Variants in PTPRG observed in about 807,000 individuals in gnomAD.
PTPRG encodes protein tyrosine phosphatase receptor type G.
A neutral mutation model predicts 165.3 loss-of-function variants in PTPRG; 102 were observed. The ratio of observed to expected loss-of-function variants is 0.62; its 90% CI spans 0.53 to 0.73. The LOEUF is 0.73. PTPRG is among the 30% of genes least tolerant of loss of function. The probability of loss-of-function intolerance (pLI) is 0.00; values close to 1 mark genes in which losing one functional copy is unlikely to be tolerated. For missense variants in PTPRG, 1,866 were observed against 1,861.4 expected, an observed-to-expected ratio of 1.00 and a Z score of -0.05; for synonymous variants, 675 against 669.5, an observed-to-expected ratio of 1.01 and a Z score of -0.13.
chr3:62,239,640 G>C (rs191411736), intron 14 of PTPRG, among the ~76,000 whole-genome samples: 213 of 152,160 alleles, frequency 1.4e-3, no homozygotes, highest in African/African-American at 4.9e-3. Context: ...GATTACAGGC[G>C]TGAGTCACTG....
chr3:61,755,748 G>T (rs766063390), intron 2 of PTPRG, among the ~76,000 whole-genome samples: 1 of 152,186 alleles, frequency 6.6e-6, no homozygotes, highest in Admixed American at 6.5e-5. Flanking sequence ...GCATGTGGTC[G>T]GGTGGAGAAA....
In PTPRG at chr3:62,273,291, A is replaced by T. The variant is rs546669214; in HGVS notation, c.3318+210A>T. On this transcript the variant is annotated intron_variant, in intron 22 of 29. Transcript: ENST00000474889. This position sits in a 1 kb window ranked among gnomAD's most constrained non-coding sequence, Gnocchi z 4.1. Reference sequence around the variant, plus strand: ...TTAACATTTGGATTCCTAAATAACTACACAAGTACTTACGAAAGAGATACA... The same window carrying T: ...TTAACATTTGGATTCCTAAATAACTTCACAAGTACTTACGAAAGAGATACA... Among the ~76,000 whole-genome samples, 2 of 152,210 alleles carry T rather than the reference A, an allele frequency of 1.3e-5. No homozygotes were observed. The highest frequency in any genetic ancestry group is 4.1e-4 in the South Asian group (2 of 4,832).
intron 2 of PTPRG, among the ~76,000 whole-genome samples, chr3:61,853,545 C>G (rs2037023991): frequency 6.6e-6 from 1 of 152,180 alleles, no homozygotes; most frequent in Admixed American, 6.5e-5. Flanking sequence ...TGTTAAGCCT[C>G]AGATAACTGC....
intron 5 of PTPRG, among the ~76,000 whole-genome samples, chr3:62,113,929 T>TA: frequency 6.6e-6 from 1 of 152,364 alleles, no homozygotes; most frequent in Middle Eastern, 3.4e-3. Context: ...CATCCTCTGA[T>TA]AAAAAATACT....
intron 5 of PTPRG, among the ~76,000 whole-genome samples, chr3:62,088,977 A>G (rs1353505391): frequency 6.6e-6 from 1 of 152,236 alleles, no homozygotes; most frequent in Non-Finnish European, 1.5e-5. Flanking sequence ...AACTGTATGC[A>G]TACAGATGCT....
chr3:61,943,214 T>C (rs900017809), intron 2 of PTPRG, among the ~76,000 whole-genome samples: 1 of 151,940 alleles, frequency 6.6e-6, no homozygotes, highest in African/African-American at 2.4e-5. Context: ...AGTTCTGGAG[T>C]TTTTGGTCTA....
chr3:62,269,151 A>G lies in PTPRG; in HGVS notation c.2991A>G (p.Arg997=). ...ACACTGTTCGTCGTTTTTCAATCAG[A>G]AATACAAAAGTGAAAAAGGTATGGA... The part of the protein sequence containing the change: ...ACYTVRRFSI[R]NTKVKKGQKG... The change falls in exon 20 of 30, where the codon AGA becomes AGG. Residue 997 remains arginine, a synonymous_variant. Coordinates refer to ENST00000474889, the MANE Select transcript of PTPRG (RefSeq NM_002841.4). 3 of 1,584,518 alleles carry G rather than the reference A, an allele frequency of 1.9e-6. No individual in the cohort carries two copies. Among genetic ancestry groups the G allele is most frequent in the Non-Finnish European group, 2.6e-6 (3 of 1,158,966 alleles).
At chr3:62,087,947 C>A (rs1434637683) in intron 5 of PTPRG, among the ~76,000 whole-genome samples, 1 of 152,122 alleles carries the variant, frequency 6.6e-6, no homozygotes, top group African/African-American at 2.4e-5. Context: ...TTGATGACAT[C>A]TTTTTTCTTT....
rs775949428 is a variant in PTPRG, at chr3:61,562,371, C to A, written c.84C>A (p.Pro28=). 6.2e-7 allele frequency: 1 copy of A among 1,613,262 alleles called. No homozygotes were observed. The highest frequency in any genetic ancestry group is 8.5e-7 in the Non-Finnish European group (1 of 1,179,502). The change falls in exon 1 of 30, where the codon CCC becomes CCA. Residue 28 remains proline, a splice_region_variant and synonymous_variant. Coordinates refer to ENST00000474889, the MANE Select transcript of PTPRG (RefSeq NM_002841.4). ...TGCTCCATTATGTCGTGTGCTTCCC[C>A]GGTGAGTGCCGGCCGCCGAGGGGAT... The part of the protein sequence containing the change: ...SSVLHYVVCF[P]ALTEGYVGAL...
intron 1 of PTPRG, among the ~76,000 whole-genome samples, chr3:61,580,605 G>C (rs543485177): frequency 9.2e-5 from 14 of 152,236 alleles, no homozygotes; most frequent in African/African-American, 3.4e-4. Context: ...AAAGTGCTGG[G>C]ATTATAGGCG....
At chr3:61,934,199 A>T (rs1241212845) in intron 2 of PTPRG, among the ~76,000 whole-genome samples, 1 of 152,232 alleles carries the variant, frequency 6.6e-6, no homozygotes, top group Non-Finnish European at 1.5e-5. Flanking sequence ...ATATGCATAT[A>T]TAGAGATGTG....
intron 1 of PTPRG, among the ~76,000 whole-genome samples, chr3:61,738,351 T>A (rs1319542620): frequency 5.8e-5 from 8 of 137,368 alleles, no homozygotes; most frequent in Non-Finnish European, 1.1e-4. Flanking sequence ...TATATATATA[T>A]AAACCTATTT....
At chr3:61,701,547 TGAAAA>T (rs2030958879) in intron 1 of PTPRG, among the ~76,000 whole-genome samples, 1 of 152,130 alleles carries the variant, frequency 6.6e-6, no homozygotes, top group Non-Finnish European at 1.5e-5. Context: ...AGTATAATAA[TGAAAA>T]GAAGTGAGTG....
rs898269575 is a variant in PTPRG at position 61,743,080 on chromosome 3, A to G, written c.86-5798A>G. 1.9e-6 allele frequency: 3 copies of G among 1,588,774 alleles called. No homozygotes were observed. The African/African-American group carries it at 4.0e-5, about 21-fold the overall frequency. ...CAGGACTTCCCGCACCGCCTCGTAC[A>G]GGGTGTTGCGAGAGACTGCTGCTCA... On this transcript the variant is annotated intron_variant, in intron 1 of 29. Coordinates refer to ENST00000474889, the MANE Select transcript of PTPRG (RefSeq NM_002841.4).
At position 61,823,489 on chromosome 3, in the gene PTPRG, A is replaced by C. The variant is rs112564422; in HGVS notation, c.190+74507A>C. ...GGCGTGAGCCACCAGGCCTGGCCGC[A>C]CAGGGGTTATTAATTAGTGGAATCA... On this transcript the variant is annotated intron_variant, in intron 2 of 29. Coordinates refer to ENST00000474889, the MANE Select transcript of PTPRG (RefSeq NM_002841.4). 7.3e-3 allele frequency among the ~76,000 whole-genome samples: 1,109 copies of C among 152,004 alleles called. 24 individuals carry two copies. The highest frequency in any genetic ancestry group is 0.025 in the African/African-American group (1,051 of 41,488).
intron 2 of PTPRG, among the ~76,000 whole-genome samples, chr3:61,948,320 C>G (rs180945984): frequency 1.3e-5 from 2 of 151,260 alleles, no homozygotes; most frequent in Admixed American, 6.6e-5. Flanking sequence ...AGTAAAACTC[C>G]GTTTTACAAA....
chr3:62,038,857 C>T (rs1211988713), intron 4 of PTPRG, among the ~76,000 whole-genome samples: 1 of 151,926 alleles, frequency 6.6e-6, no homozygotes, highest in Admixed American at 6.6e-5. Flanking sequence ...TATAGCTAAA[C>T]TTGGATCATG....
intron 1 of PTPRG, among the ~76,000 whole-genome samples, chr3:61,740,123 G>T (rs1329962313): frequency 2.0e-5 from 3 of 152,278 alleles, no homozygotes; most frequent in South Asian, 4.1e-4. Context: ...AAGATATAAA[G>T]AGATGCCACA....
intron 2 of PTPRG, among the ~76,000 whole-genome samples, chr3:61,873,554 G>A (rs763037516): frequency 2.9e-4 from 44 of 152,150 alleles, no homozygotes; most frequent in Non-Finnish European, 4.0e-4. Flanking sequence ...GATAGCTGTC[G>A]GAAAAGAAAA....
Sources: gnomAD v4.1 joint callset for allele counts (sites outside exome capture counted in the v4.1 genomes callset) on GRCh38, gnomAD v4.1.1 for gene constraint, Gnocchi (gnomAD v3.1) non-coding constraint, MANE v1.5 for transcripts, NCBI Gene and HGNC (gene_info 2026-07-23, HGNC 2026-07-21) for gene names.